CDKAL1: variants seen among roughly 807,000 people sequenced by gnomAD.
CDKAL1 encodes threonylcarbamoyladenosine tRNA methylthiotransferase.
A neutral mutation model predicts 68.2 loss-of-function variants in CDKAL1; 32 were observed. The ratio of observed to expected loss-of-function variants is 0.47; its 90% CI spans 0.35 to 0.63. The LOEUF (loss-of-function observed/expected upper bound fraction) is 0.63, where lower values mean the gene tolerates loss of function less well. CDKAL1 is among the 30% of genes least tolerant of loss of function. The pLI is 0.00. For synonymous variants in CDKAL1, 234 were observed against 244.3 expected (o/e 0.96, Z 0.39); for missense variants, 606 against 696.7 (o/e 0.87, Z 1.47).
At position 20,967,159 on chromosome 6, in the gene CDKAL1, T is replaced by G. The variant is rs367957754; in HGVS notation, c.909+11574T>G. On this transcript the variant is annotated intron_variant, in intron 10 of 15. Coordinates refer to ENST00000274695, the MANE Select transcript of CDKAL1 (RefSeq NM_017774.3). ...ATGTCCTCATCTTATACACCAGTCA[T>G]TGGATTAGGGTCCACCTTAATTCAT... 1.6e-4 allele frequency among the ~76,000 whole-genome samples: 24 copies of G among 152,300 alleles called. No homozygotes were observed. The South Asian group carries it at 2.5e-3, about 16-fold the overall frequency.
chr6:20,647,470 T>C (rs1464801550), intron 4 of CDKAL1, among the ~76,000 whole-genome samples: 1 of 152,208 alleles, frequency 6.6e-6, no homozygotes, highest in Admixed American at 6.5e-5. Flanking sequence ...ATGTCTACTC[T>C]GTGCCCATCA....
chr6:20,537,690 T>C (rs1158196469), intron 2 of CDKAL1, among the ~76,000 whole-genome samples: 2 of 152,046 alleles, frequency 1.3e-5, no homozygotes, highest in Admixed American at 6.6e-5. Flanking sequence ...GCATCCTCCT[T>C]CTTCCTATCA....
chr6:20,694,092 G>A (rs887626303), intron 5 of CDKAL1, among the ~76,000 whole-genome samples: 1 of 142,516 alleles, frequency 7.0e-6, no homozygotes, highest in African/African-American at 2.6e-5. Flanking sequence ...GTGTGTGTGT[G>A]TATGTAGGTG....
chr6:20,650,177 A>G (rs2876576), intron 5 of CDKAL1, among the ~76,000 whole-genome samples: 59,129 of 152,036 alleles, frequency 0.39, 12,044 homozygotes, highest in Admixed American at 0.48. Context: ...TTACATTCCC[A>G]CCAACAGTGT....
chr6:20,935,426 T>C (rs988655483), intron 9 of CDKAL1, among the ~76,000 whole-genome samples: 4 of 149,362 alleles, frequency 2.7e-5, no homozygotes, highest in African/African-American at 9.8e-5. Context: ...GTGTGGAAAA[T>C]TAGACTTTTT....
intron 9 of CDKAL1, among the ~76,000 whole-genome samples, chr6:20,875,601 G>A (rs956586496): frequency 6.6e-6 from 1 of 151,934 alleles, no homozygotes; most frequent in Non-Finnish European, 1.5e-5. Context: ...ATTTAATTTG[G>A]GTATATCCTT....
At chr6:20,841,270 T>A (rs967811185) in intron 8 of CDKAL1, among the ~76,000 whole-genome samples, 4 of 152,206 alleles carry the variant, frequency 2.6e-5, no homozygotes, top group Admixed American at 6.5e-5. Context: ...GGTTTTTGCA[T>A]ATTCAGGTTA....
At chr6:20,877,449 C>T (rs1355116499) in intron 9 of CDKAL1, among the ~76,000 whole-genome samples, 1 of 152,192 alleles carries the variant, frequency 6.6e-6, no homozygotes, top group African/African-American at 2.4e-5. Context: ...CTTCAGGTGT[C>T]CTCACAGGCT....
In CDKAL1 at chr6:20,924,174, C is replaced by A. The variant is rs113489771; in HGVS notation, c.743-31245C>A. Among the ~76,000 whole-genome samples, 246 of 148,988 alleles carry A rather than the reference C, an allele frequency of 1.7e-3. 1 individual carries two copies. Among genetic ancestry groups the A allele is most frequent in the African/African-American group, 5.6e-3 (226 of 40,336 alleles). On this transcript the variant is annotated intron_variant, in intron 9 of 15. Coordinates refer to ENST00000274695, the MANE Select transcript of CDKAL1 (RefSeq NM_017774.3). ...CACAAATGATAAGAAAGTGAAACAG[C>A]CTTATTGCTGATATGAAGAAAGTTT...
chr6:20,700,869 T>C (rs1220525594), intron 5 of CDKAL1, among the ~76,000 whole-genome samples: 1 of 150,718 alleles, frequency 6.6e-6, no homozygotes, highest in Non-Finnish European at 1.5e-5. Flanking sequence ...TGGTTATAGC[T>C]GAGGAGGGTG....
At position 21,003,343 on chromosome 6, in the gene CDKAL1, A is replaced by AATAT. The variant is rs71540608; in HGVS notation, c.1055+2997_1055+3000dup. ...CAACATGGTGAAACCATCTCTACTAAATATATATATATATATATATATATA... is the reference window on the plus strand; with the variant it reads ...CAACATGGTGAAACCATCTCTACTAAATATATATATATATATATATATATATATA... On this transcript the variant is annotated intron_variant, in intron 11 of 15. Transcript: ENST00000274695. Among the ~76,000 whole-genome samples, 259 of 40,428 alleles carry AATAT rather than the reference A, an allele frequency of 6.4e-3. 14 individuals are homozygous for AATAT. Among genetic ancestry groups the AATAT allele is most frequent in the Middle Eastern group, 0.018 (1 of 56 alleles). 26.5% of individuals were successfully genotyped at this position (40,428 alleles called of 152,430 possible). A position where few individuals can be genotyped will look rare whatever the true frequency, so the allele number is the denominator to read the frequency against.
chr6:20,676,628 C>T (rs1322848428), intron 5 of CDKAL1, among the ~76,000 whole-genome samples: 1 of 151,362 alleles, frequency 6.6e-6, no homozygotes, highest in Non-Finnish European at 1.5e-5. Context: ...GATTGCGCCA[C>T]TGCACTCCAG....
chr6:20,826,607 G>C (rs1240807909), intron 8 of CDKAL1, among the ~76,000 whole-genome samples: 32 of 152,056 alleles, frequency 2.1e-4, no homozygotes, highest in Admixed American at 2.1e-3. Context: ...AACGTCTGGT[G>C]GTTTGTGTTT....
At chr6:20,909,003 A>G (rs1762346462) in intron 9 of CDKAL1, among the ~76,000 whole-genome samples, 1 of 152,134 alleles carries the variant, frequency 6.6e-6, no homozygotes, top group Non-Finnish European at 1.5e-5. Context: ...GCATTTTTGA[A>G]CGTTCTGGCT....
intron 4 of CDKAL1, among the ~76,000 whole-genome samples, chr6:20,600,136 T>C (rs1049836679): frequency 6.6e-6 from 1 of 152,188 alleles, no homozygotes; most frequent in Non-Finnish European, 1.5e-5. Flanking sequence ...ATATTGGCTC[T>C]TGCTTTATTG....
chr6:20,921,269 A>C (rs572894779), intron 9 of CDKAL1, among the ~76,000 whole-genome samples: 21 of 152,270 alleles, frequency 1.4e-4, no homozygotes, highest in African/African-American at 5.1e-4. Flanking sequence ...TCTTTACTAA[A>C]AATACAAAAA....
intron 4 of CDKAL1, among the ~76,000 whole-genome samples, chr6:20,558,050 T>G (rs1184869712): frequency 6.6e-6 from 1 of 152,230 alleles, no homozygotes; most frequent in Non-Finnish European, 1.5e-5. Flanking sequence ...GAACTGAGAT[T>G]ATTAAGTTCT....
At chr6:20,751,264 CA>C (rs1319300382) in intron 6 of CDKAL1, among the ~76,000 whole-genome samples, 1 of 151,976 alleles carries the variant, frequency 6.6e-6, no homozygotes. Context: ...GCCTAGTTGG[CA>C]AAATTGTGTT....
At chr6:21,078,071 G>A (rs892326574) in intron 12 of CDKAL1, among the ~76,000 whole-genome samples, 1 of 152,298 alleles carries the variant, frequency 6.6e-6, no homozygotes, top group African/African-American at 2.4e-5. Context: ...AGAGCCTCCT[G>A]AAGGAACACA....
Sources: gnomAD v4.1 joint callset for allele counts (sites outside exome capture counted in the v4.1 genomes callset) on GRCh38, gnomAD v4.1.1 for gene constraint, MANE v1.5 for transcripts, NCBI Gene and HGNC (gene_info 2026-07-23, HGNC 2026-07-21) for gene names.